CDH13: variants seen among roughly 807,000 people sequenced by gnomAD.
The protein encoded by CDH13 is cadherin-13.
A neutral mutation model predicts 63.8 loss-of-function variants in CDH13; 24 were observed. The observed-to-expected ratio is 0.38, with a 90% CI of 0.27 to 0.53. The LOEUF (loss-of-function observed/expected upper bound fraction) is 0.53. CDH13 is among the 20% of genes least tolerant of loss of function. The probability of loss-of-function intolerance (pLI) is 0.85; values close to 1 mark genes in which losing one functional copy is unlikely to be tolerated. For synonymous variants in CDH13, 503 were observed against 355.3 expected, an observed-to-expected ratio of 1.42 and a Z score of -4.67; for missense variants, 1,049 against 903.1, an observed-to-expected ratio of 1.16 and a Z score of -2.07.
At chr16:83,677,455 G>A (rs1009940574) in intron 9 of CDH13, among the ~76,000 whole-genome samples, 1 of 152,146 alleles carries the variant, frequency 6.6e-6, no homozygotes, top group Non-Finnish European at 1.5e-5. Context: ...CCCGGCAAAT[G>A]GTTGTAGAGC....
At chr16:83,603,355 G>C (rs951088619) in intron 8 of CDH13, among the ~76,000 whole-genome samples, 7 of 152,230 alleles carry the variant, frequency 4.6e-5, no homozygotes, top group Non-Finnish European at 8.8e-5. Context: ...GACTTTTGCA[G>C]AGTCTTTACT....
At chr16:83,330,595 T>G (rs1202106699) in intron 5 of CDH13, among the ~76,000 whole-genome samples, 4 of 152,162 alleles carry the variant, frequency 2.6e-5, no homozygotes, top group Non-Finnish European at 5.9e-5. Flanking sequence ...AGGACCAATG[T>G]AGCACAGATA....
chr16:83,682,404 G>C (rs1480941873), intron 10 of CDH13, among the ~76,000 whole-genome samples: 1 of 152,124 alleles, frequency 6.6e-6, no homozygotes, highest in Non-Finnish European at 1.5e-5. Context: ...TGTCTCTTTA[G>C]CATCTAAAAT....
chr16:83,320,806 A>T (rs896106301), intron 5 of CDH13, among the ~76,000 whole-genome samples: 27 of 152,342 alleles, frequency 1.8e-4, no homozygotes, highest in African/African-American at 5.3e-4. Context: ...ATCAGCCACA[A>T]AGTGGAGCCC....
In CDH13 at chr16:82,930,385, C is replaced by T. The variant is rs202174063; in HGVS notation, c.157+71912C>T. On this transcript the variant is annotated intron_variant, in intron 2 of 13. Transcript: ENST00000567109. ...CAACAGCTAACATTTAACAGAGATG[C>T]ACCAGGTACTTTTCTAAGCACTTTA... 7.9e-5 allele frequency among the ~76,000 whole-genome samples: 12 copies of T among 152,272 alleles called. No individual in the cohort carries two copies. The East Asian group carries it at 9.7e-4, about 12-fold the overall frequency.
intron 1 of CDH13, among the ~76,000 whole-genome samples, chr16:82,826,941 A>C (rs975090168): frequency 4.6e-5 from 7 of 152,202 alleles, no homozygotes; most frequent in African/African-American, 1.4e-4. Context: ...GAAAGGTACT[A>C]AGAATGCACA....
intron 3 of CDH13, among the ~76,000 whole-genome samples, chr16:83,097,806 C>G (rs984093065): frequency 6.6e-6 from 1 of 152,314 alleles, no homozygotes; most frequent in Non-Finnish European, 1.5e-5. Context: ...GTTTTCTCAG[C>G]TCCAATTTTA....
At chr16:82,914,205 A>C (rs1425366952) in intron 2 of CDH13, among the ~76,000 whole-genome samples, 2 of 152,052 alleles carry the variant, frequency 1.3e-5, no homozygotes, top group East Asian at 3.9e-4. Context: ...AACTGATACC[A>C]CCGCCATGCA....
chr16:82,969,153 T>G (rs1045534889), intron 2 of CDH13, among the ~76,000 whole-genome samples: 5 of 152,166 alleles, frequency 3.3e-5, no homozygotes, highest in African/African-American at 4.8e-5. Context: ...AAAAATGTGT[T>G]AGAATCGATA....
At chr16:83,057,033 C>G (rs1284357992) in intron 3 of CDH13, among the ~76,000 whole-genome samples, 3 of 152,260 alleles carry the variant, frequency 2.0e-5, no homozygotes, top group South Asian at 4.2e-4. Context: ...GTGGTGCATT[C>G]TCAGCTCACT....
rs558207257 is a variant in CDH13 at position 83,698,693 on chromosome 16, G to A, written c.1538+20232G>A. Among the ~76,000 whole-genome samples, 8 of 152,326 alleles carry A rather than the reference G, an allele frequency of 5.3e-5. No individual in the cohort carries two copies. The South Asian group carries it at 1.7e-3, about 32-fold the overall frequency. Reference sequence around the variant, plus strand: ...GAGAGCTGGGTTTGCTAACAAGCCGGGTCAGTAACCCCAACCTTCTTACTT... The same window carrying A: ...GAGAGCTGGGTTTGCTAACAAGCCGAGTCAGTAACCCCAACCTTCTTACTT... On this transcript the variant is annotated intron_variant, in intron 10 of 13. Transcript: ENST00000567109.
intron 6 of CDH13, among the ~76,000 whole-genome samples, chr16:83,452,981 C>T (rs1010867361): frequency 3.9e-5 from 6 of 152,166 alleles, no homozygotes; most frequent in African/African-American, 1.4e-4. Context: ...CATCTTCTAG[C>T]TGTGTGCCTT....
chr16:83,782,088 T>C (rs1355498959), intron 12 of CDH13, among the ~76,000 whole-genome samples: 1 of 152,234 alleles, frequency 6.6e-6, no homozygotes, highest in Non-Finnish European at 1.5e-5. Context: ...TGTATTTTTA[T>C]TTCCCTGTCA....
At chr16:82,865,360 T>C (rs2040091572) in intron 2 of CDH13, among the ~76,000 whole-genome samples, 1 of 152,252 alleles carries the variant, frequency 6.6e-6, no homozygotes, top group African/African-American at 2.4e-5. Flanking sequence ...GGGCTCTGCC[T>C]CTGCAACAAA....
chr16:83,386,205 C>G (rs1455495146), intron 6 of CDH13, among the ~76,000 whole-genome samples: 2 of 152,204 alleles, frequency 1.3e-5, no homozygotes, highest in Non-Finnish European at 2.9e-5. Flanking sequence ...TTCACTATGA[C>G]AAGAATTAAC....
intron 5 of CDH13, among the ~76,000 whole-genome samples, chr16:83,241,679 A>G (rs181575283): frequency 1.3e-5 from 2 of 152,154 alleles, no homozygotes; most frequent in East Asian, 3.9e-4. Context: ...TAATCAGTTT[A>G]TTTGGATTTT....
chr16:82,952,159 C>T (rs1038093915), intron 2 of CDH13, among the ~76,000 whole-genome samples: 1 of 152,224 alleles, frequency 6.6e-6, no homozygotes, highest in South Asian at 2.1e-4. Flanking sequence ...GCTCAGGATT[C>T]ACTTTGAAGA....
At chr16:82,765,667 GC>G (rs1435156769) in intron 1 of CDH13, among the ~76,000 whole-genome samples, 4 of 152,112 alleles carry the variant, frequency 2.6e-5, no homozygotes, top group Admixed American at 1.3e-4. Flanking sequence ...CAATGAAAAA[GC>G]ATTCTAAGGG....
chr16:83,011,910 T>A (rs1914200558), intron 2 of CDH13, among the ~76,000 whole-genome samples: 1 of 151,552 alleles, frequency 6.6e-6, no homozygotes, highest in Non-Finnish European at 1.5e-5. Flanking sequence ...TTACAGCTAT[T>A]ATTAATATTT....
Sources: gnomAD v4.1 joint callset for allele counts (sites outside exome capture counted in the v4.1 genomes callset) on GRCh38, gnomAD v4.1.1 for gene constraint, MANE v1.5 for transcripts, NCBI Gene and HGNC (gene_info 2026-07-23, HGNC 2026-07-21) for gene names.